DDX25: variants seen among roughly 807,000 people sequenced by gnomAD.
The protein encoded by DDX25 is DEAD-box helicase 25, also known as ATP-dependent RNA helicase DDX25.
DDX25 carries 70 observed loss-of-function variants against 64.6 expected under a neutral mutation model. The ratio of observed to expected loss-of-function variants is 1.08; its 90% CI spans 0.89 to 1.32. DDX25 has a LOEUF of 1.32. DDX25 is among the 40% of genes most tolerant of loss of function. DDX25 has a pLI of 0.00. For synonymous variants in DDX25, 211 were observed against 213.3 expected (o/e 0.99, Z 0.09); for missense variants, 587 against 604.4 (o/e 0.97, Z 0.30).
intron 6 of DDX25, among the ~76,000 whole-genome samples, chr11:125,909,319 G>A (rs549424318): frequency 6.6e-6 from 1 of 152,248 alleles, no homozygotes; most frequent in African/African-American, 2.4e-5. Flanking sequence ...TTTAGGGTTT[G>A]ATATTATCAA....
chr11:125,923,005 T>C lies in DDX25; in HGVS notation c.*124T>C, dbSNP rs1945133365. Reference sequence around the variant, plus strand: ...AAACTGTCACAGATGGCAAAATAAATGTCACGGTACTTAGTTTTAAGACAT... The same window carrying C: ...AAACTGTCACAGATGGCAAAATAAACGTCACGGTACTTAGTTTTAAGACAT... On this transcript the variant is annotated 3_prime_UTR_variant, in exon 12 of 12. Transcript: ENST00000263576. 1.2e-6 allele frequency: 1 copy of C among 805,452 alleles called. No individual in the cohort carries two copies. Among genetic ancestry groups the C allele is most frequent in the Non-Finnish European group, 1.9e-6 (1 of 516,874 alleles). 49.9% of individuals were successfully genotyped at this position (805,452 alleles called of 1,614,324 possible). A position where few individuals can be genotyped will look rare whatever the true frequency, so the allele number is the denominator to read the frequency against.
chr11:125,905,429 C>T, intron 2 of DDX25, 124 bp from the exon 3 acceptor site: 1 of 1,330,150 alleles, frequency 7.5e-7, no homozygotes, highest in East Asian at 2.5e-5. Flanking sequence ...GTCCATTCCT[C>T]CATGAAATGA....
intron 8 of DDX25, among the ~76,000 whole-genome samples, chr11:125,915,990 T>C (rs1243512181): frequency 1.3e-5 from 2 of 152,240 alleles, no homozygotes; most frequent in Non-Finnish European, 2.9e-5. Flanking sequence ...TAGTGGGATT[T>C]GGGCAGCTAA....
intron 6 of DDX25, 145 bp from the exon 7 acceptor site, chr11:125,910,219 C>A: frequency 1.6e-6 from 1 of 643,460 alleles, no homozygotes; most frequent in Non-Finnish European, 2.7e-6. Context: ...AACTATTAAA[C>A]TGTATCCAAT....
chr11:125,919,794 G>T (rs1945088774), intron 10 of DDX25, among the ~76,000 whole-genome samples: 1 of 152,116 alleles, frequency 6.6e-6, no homozygotes, highest in African/African-American at 2.4e-5. Context: ...CTCTACACTG[G>T]CACTATTCAA....
chr11:125,921,069 A>C lies in DDX25; in HGVS notation c.1202-122A>C. The C allele has an allele frequency of 1.0e-6, 1 of 996,620 alleles. No homozygotes were observed. The highest frequency in any genetic ancestry group is 1.4e-6 in the Non-Finnish European group (1 of 699,394). 61.7% of individuals were successfully genotyped at this position (996,620 alleles called of 1,614,324 possible). On this transcript the variant is annotated intron_variant, in intron 10 of 11. Coordinates refer to ENST00000263576, the MANE Select transcript of DDX25 (RefSeq NM_013264.5). This position sits in a 1 kb window ranked among gnomAD's most constrained non-coding sequence, Gnocchi z 4.1. The stretch of plus-strand genomic sequence containing the variant: ...CCAAAGTACCTGTCTCAATTACATA[A>C]GCCCTGGTTGGATTTCTAAATTTTC...
At chr11:125,908,052 G>C (rs1944917751) in intron 4 of DDX25, 144 bp from the exon 5 acceptor site, 9 of 650,484 alleles carry the variant, frequency 1.4e-5, no homozygotes, top group Non-Finnish European at 2.1e-5. Flanking sequence ...TTTGGAAGTT[G>C]AGGTATGAAT....
Position 125,908,414 on chromosome 11 carries a change from A to G in DDX25, c.418A>G (p.Ile140Val), listed in dbSNP as rs760523435. 16 of 1,613,858 alleles carry G rather than the reference A, an allele frequency of 9.9e-6. No homozygotes were observed. Among genetic ancestry groups the G allele is most frequent in the Admixed American group, 1.7e-5 (1 of 60,008 alleles). Residue 140 changes from isoleucine (I) to valine (V), a missense_variant, in exon 6 of 12, where the codon ATA (isoleucine) becomes GTA (valine). Physicochemically the swap from Ile to Val is conservative, Grantham distance 29. Coordinates refer to ENST00000263576, the MANE Select transcript of DDX25 (RefSeq NM_013264.5). Reference sequence around the variant, plus strand: ...TCTTTTCTACAGACCCCAGAACCTCATAGCACAGAGCCAGTCTGGAACAGG... The same window carrying G: ...TCTTTTCTACAGACCCCAGAACCTCGTAGCACAGAGCCAGTCTGGAACAGG... ...MMLAHPPQNL[I>V]AQSQSGTGKT...
chr11:125,904,293 TCTCTGCCCTCC>T, upstream of DDX25: 1 of 363,998 alleles, frequency 2.7e-6, no homozygotes, highest in Non-Finnish European at 4.9e-6. Flanking sequence ...TCCGCCCCGC[TCTCTGCCCTCC>T]GCCCCGCTCT....
At chr11:125,905,114 T>A in intron 1 of DDX25, 98 bp from the exon 2 acceptor site, 1 of 1,097,508 alleles carries the variant, frequency 9.1e-7, no homozygotes, top group Non-Finnish European at 1.4e-6. Flanking sequence ...TACCCGGGTG[T>A]CCTTCCCTGA....
chr11:125,925,761 A>G lies in DDX25; in HGVS notation c.*2880A>G, dbSNP rs868635803. The G allele has an allele frequency of 4.5e-6, 1 of 220,558 alleles. No individual in the cohort carries two copies. Among genetic ancestry groups the G allele is most frequent in the South Asian group, 5.8e-5 (1 of 17,272 alleles). The allele number at this position is 220,558 out of a possible 1,614,324, so 13.7% of individuals were successfully genotyped here. On this transcript the variant is annotated 3_prime_UTR_variant, in exon 12 of 12. Coordinates refer to ENST00000263576, the MANE Select transcript of DDX25 (RefSeq NM_013264.5). Reference sequence around the variant, plus strand: ...ACACCTCGCATGGAACACGGCTGCTATGATGTTAGGTGCTGGATCTAAGGC... The same window carrying G: ...ACACCTCGCATGGAACACGGCTGCTGTGATGTTAGGTGCTGGATCTAAGGC...
intron 8 of DDX25, among the ~76,000 whole-genome samples, chr11:125,915,008 T>C (rs1945018090): frequency 5.3e-5 from 8 of 152,146 alleles, no homozygotes; most frequent in Admixed American, 4.6e-4. Context: ...CCGGGTGACA[T>C]TAAGTTCAAG....
In DDX25 at chr11:125,914,150, C is replaced by G. The variant is rs1591518716; in HGVS notation, c.800+2662C>G. Among the ~76,000 whole-genome samples the G allele has an allele frequency of 2.6e-5, 4 of 152,304 alleles. No homozygotes were observed. In the South Asian group the frequency reaches 8.3e-4, roughly 32 times the overall value. The stretch of plus-strand genomic sequence containing the variant: ...CAAGTTTCCTTTTTGTTTGCTACAG[C>G]CTCTTTCACAGCAGAACGTTCCTCT... On this transcript the variant is annotated intron_variant, in intron 8 of 11. Coordinates refer to ENST00000263576, the MANE Select transcript of DDX25 (RefSeq NM_013264.5).
upstream of DDX25, among the ~76,000 whole-genome samples, chr11:125,904,211 G>A (rs1053525207): frequency 3.3e-4 from 50 of 152,276 alleles, 1 homozygote; most frequent in Middle Eastern, 6.8e-3. Flanking sequence ...GCGGCGCGGG[G>A]GGCGCTCTCC....
In DDX25 at chr11:125,925,830, G is replaced by A. The variant is rs970313397; in HGVS notation, c.*2949G>A. The A allele has an allele frequency of 5.7e-6, 1 of 176,574 alleles. No homozygotes were observed. Among genetic ancestry groups the A allele is most frequent in the South Asian group, 1.2e-4 (1 of 8,530 alleles). 10.9% of individuals were successfully genotyped at this position (176,574 alleles called of 1,614,324 possible). ...AGGCAAATAAGTTGGTCATAGTCTG[G>A]TAGGATGTGTGACAGCCGCTTTTCA... On this transcript the variant is annotated 3_prime_UTR_variant, in exon 12 of 12. Coordinates refer to ENST00000263576, the MANE Select transcript of DDX25 (RefSeq NM_013264.5).
At chr11:125,920,329 C>T (rs11220274) in intron 10 of DDX25, among the ~76,000 whole-genome samples, 2,191 of 151,860 alleles carry the variant, frequency 0.014, 35 homozygotes, top group Middle Eastern at 0.048. Flanking sequence ...CCCAGCTACT[C>T]GGGAGGCTGA....
In DDX25 at chr11:125,925,902, G is replaced by C. The variant is rs2134289383; in HGVS notation, c.*3021G>C. ...CATGAGAAAGTGTTGATCCTCCTCA[G>C]CAAAGCTCGGTCACCATGAAAGCTG... On this transcript the variant is annotated 3_prime_UTR_variant, in exon 12 of 12. Transcript: ENST00000263576. 1 of 161,440 alleles carries C rather than the reference G, an allele frequency of 6.2e-6. No homozygotes were observed. The highest frequency in any genetic ancestry group is 3.0e-3 in the Middle Eastern group (1 of 328). The allele number at this position is 161,440 out of a possible 1,614,324, so 10.0% of individuals were successfully genotyped here.
chr11:125,905,931 A>G, intron 3 of DDX25, 143 bp from the exon 4 acceptor site: 1 of 1,064,052 alleles, frequency 9.4e-7, no homozygotes, highest in Non-Finnish European at 1.3e-6. Context: ...TCAGTGCTAT[A>G]TCATTCTTTC....
At position 125,927,448 on chromosome 11, in the gene DDX25, G is replaced by C. The variant is rs980546017; in HGVS notation, c.*4567G>C. The C allele has an allele frequency of 2.0e-5, 3 of 152,212 alleles. No homozygotes were observed. Among genetic ancestry groups the C allele is most frequent in the Non-Finnish European group, 4.4e-5 (3 of 68,046 alleles). The allele number at this position is 152,212 out of a possible 1,614,324, so 9.4% of individuals were successfully genotyped here. On this transcript the variant is annotated 3_prime_UTR_variant, in exon 12 of 12. Transcript: ENST00000263576. ...AGTTTTCATAAGTCTCTAGAGAAGC[G>C]TGGCAACTATCTGTAGCATTTTTCT...
Sources: allele counts gnomAD v4.1 joint callset (sites outside exome capture counted in the v4.1 genomes callset), GRCh38; gene constraint gnomAD v4.1.1; non-coding constraint Gnocchi (gnomAD v3.1); transcripts MANE v1.5; gene names NCBI Gene and HGNC (gene_info 2026-07-23, HGNC 2026-07-21).